CHODL: variants seen among roughly 807,000 people sequenced by gnomAD.
CHODL encodes chondrolectin.
CHODL carries 29 observed loss-of-function variants against 34.5 expected under a neutral mutation model. The ratio of observed to expected loss-of-function variants is 0.84; its 90% CI spans 0.63 to 1.15. CHODL has a LOEUF of 1.15. Ranked by LOEUF, CHODL falls within the 50% of genes most tolerant of loss-of-function variation. The pLI is 0.00. For missense variants in CHODL, 332 were observed against 332.5 expected, an observed-to-expected ratio of 1.00 and a Z score of 0.01; for synonymous variants, 125 against 116.1, an observed-to-expected ratio of 1.08 and a Z score of -0.49.
chr21:18,202,320 T>C (rs976982901), intron 2 of CHODL, among the ~76,000 whole-genome samples: 4 of 152,216 alleles, frequency 2.6e-5, no homozygotes, highest in Admixed American at 1.3e-4. Context: ...TTCCCCAAAA[T>C]TGACTTCTAG....
intron 2 of CHODL, among the ~76,000 whole-genome samples, chr21:18,216,212 A>G (rs546862689): frequency 6.6e-6 from 1 of 152,166 alleles, no homozygotes; most frequent in Non-Finnish European, 1.5e-5. Flanking sequence ...ATGCATATGA[A>G]GTATAATGAT....
At chr21:17,969,350 G>GAAGAA (rs919879552) in intron 1 of CHODL, among the ~76,000 whole-genome samples, 1 of 152,032 alleles carries the variant, frequency 6.6e-6, no homozygotes, top group East Asian at 1.9e-4. Context: ...TAAATATATA[G>GAAGAA]AAGAAAAGAA....
At chr21:17,935,599 A>T (rs1211504179) in intron 1 of CHODL, among the ~76,000 whole-genome samples, 2 of 152,270 alleles carry the variant, frequency 1.3e-5, no homozygotes, top group Non-Finnish European at 2.9e-5. Context: ...TATCTTTTTT[A>T]ACAAAATACA....
intron 1 of CHODL, among the ~76,000 whole-genome samples, chr21:17,929,225 T>C (rs1416539106): frequency 6.6e-6 from 1 of 152,254 alleles, no homozygotes; most frequent in Non-Finnish European, 1.5e-5. Flanking sequence ...CTTTGGCTAG[T>C]TGCTATTGAG....
At chr21:18,166,850 T>C (rs977618002) in intron 2 of CHODL, among the ~76,000 whole-genome samples, 1 of 152,144 alleles carries the variant, frequency 6.6e-6, no homozygotes, top group Non-Finnish European at 1.5e-5. Flanking sequence ...GGGACCAATG[T>C]CATGTGGAAC....
intron 2 of CHODL, among the ~76,000 whole-genome samples, chr21:18,098,852 A>T (rs1010245837): frequency 2.8e-4 from 42 of 152,152 alleles, no homozygotes; most frequent in African/African-American, 9.4e-4. Context: ...TGAATGGAAA[A>T]GGAACACGTG....
chr21:18,097,387 A>G (rs879734195), intron 2 of CHODL, among the ~76,000 whole-genome samples: 1 of 152,202 alleles, frequency 6.6e-6, no homozygotes, highest in Non-Finnish European at 1.5e-5. Context: ...GCAGGATATA[A>G]AATCAATACA....
chr21:18,186,320 C>A (rs1295487366), intron 2 of CHODL, among the ~76,000 whole-genome samples: 1 of 151,372 alleles, frequency 6.6e-6, no homozygotes, highest in African/African-American at 2.4e-5. Flanking sequence ...TTGGCCAGGC[C>A]AGGAGACACG....
At chr21:18,182,105 A>G (rs1027085142) in intron 2 of CHODL, among the ~76,000 whole-genome samples, 1 of 152,134 alleles carries the variant, frequency 6.6e-6, no homozygotes, top group Admixed American at 6.5e-5. Context: ...TTGCTGGGTA[A>G]TATGTTCATG....
intron 2 of CHODL, among the ~76,000 whole-genome samples, chr21:18,080,082 A>G (rs2064922950): frequency 6.6e-6 from 1 of 151,938 alleles, no homozygotes; most frequent in Admixed American, 6.6e-5. Context: ...TTCTCTGTTG[A>G]TTAGTTATGT....
chr21:18,116,721 G>A (rs978165184), intron 2 of CHODL, among the ~76,000 whole-genome samples: 1 of 152,190 alleles, frequency 6.6e-6, no homozygotes, highest in Non-Finnish European at 1.5e-5. Flanking sequence ...CCACGCAGTT[G>A]ACATGGGTGC....
intron 1 of CHODL, among the ~76,000 whole-genome samples, chr21:18,254,481 C>T (rs36124986): frequency 0.042 from 6,338 of 152,104 alleles, 419 homozygotes; most frequent in African/African-American, 0.14. Context: ...GGATCCTTGG[C>T]GGTTTTAAAA....
chr21:18,180,202 G>C (rs2073365565), intron 2 of CHODL, among the ~76,000 whole-genome samples: 1 of 152,070 alleles, frequency 6.6e-6, no homozygotes, highest in African/African-American at 2.4e-5. Flanking sequence ...ACCAAGGCTG[G>C]AGTACAGTGG....
At chr21:18,055,736 A>C (rs1043163455) in intron 2 of CHODL, among the ~76,000 whole-genome samples, 1 of 152,050 alleles carries the variant, frequency 6.6e-6, no homozygotes, top group Non-Finnish European at 1.5e-5. Context: ...CTCAGGGCTA[A>C]GTCAATACCA....
At chr21:18,202,866 A>G (rs1053115655) in intron 2 of CHODL, among the ~76,000 whole-genome samples, 1 of 152,222 alleles carries the variant, frequency 6.6e-6, no homozygotes, top group Non-Finnish European at 1.5e-5. Flanking sequence ...ACAGTTTAAC[A>G]TAGACAGTAA....
At chr21:18,158,730 C>T (rs1042806099) in intron 2 of CHODL, among the ~76,000 whole-genome samples, 5 of 150,680 alleles carry the variant, frequency 3.3e-5, no homozygotes, top group South Asian at 2.1e-4. Context: ...CCCAGCTACT[C>T]GGGAGGCTGA....
intron 1 of CHODL, among the ~76,000 whole-genome samples, chr21:18,013,716 C>A (rs1479439878): frequency 7.4e-6 from 1 of 134,644 alleles, no homozygotes; most frequent in Admixed American, 8.4e-5. Flanking sequence ...TTCACTGCAA[C>A]CTCTGCCGCC....
At chr21:18,026,144 A>G (rs2146431812) in intron 1 of CHODL, among the ~76,000 whole-genome samples, 1 of 152,314 alleles carries the variant, frequency 6.6e-6, no homozygotes, top group African/African-American at 2.4e-5. Context: ...TGAAATTAGT[A>G]TTTGCTGAAT....
Position 18,028,273 on chromosome 21 carries a change from TTTCCCC to T in CHODL, c.-45+307_-45+312del, listed in dbSNP as rs747161340. ...TTTTCCTTTTCTTTTTCTTTTTCCT[TTTCCCC>T]TTCCTTCCTTCCTTCCTTCCTTCCT... On this transcript the variant is annotated intron_variant, in intron 2 of 6. Transcript: ENST00000400127. 7.5e-3 allele frequency among the ~76,000 whole-genome samples: 505 copies of T among 67,606 alleles called. 14 individuals are homozygous for T. Among genetic ancestry groups the T allele is most frequent in the African/African-American group, 0.02 (341 of 17,332 alleles). The allele number at this position is 67,606 out of a possible 152,430, so 44.4% of individuals were successfully genotyped here. A position where few individuals can be genotyped will look rare whatever the true frequency, so the allele number is the denominator to read the frequency against.
Sources: allele counts gnomAD v4.1 joint callset (sites outside exome capture counted in the v4.1 genomes callset), GRCh38; gene constraint gnomAD v4.1.1; transcripts MANE v1.5; gene names NCBI Gene and HGNC (gene_info 2026-07-23, HGNC 2026-07-21).